Variants in KHDRBS2 observed in about 807,000 individuals in gnomAD.
KHDRBS2 encodes KH domain-containing, RNA-binding, signal transduction-associated protein 2.
In KHDRBS2, 26 loss-of-function variants were observed where a neutral mutation model predicts 44.3. The ratio of observed to expected loss-of-function variants is 0.59; its 90% CI spans 0.43 to 0.81. The LOEUF (loss-of-function observed/expected upper bound fraction) is 0.81. KHDRBS2 is among the 40% of genes least tolerant of loss of function. The pLI, the probability that KHDRBS2 is intolerant of heterozygous loss-of-function variation, is 0.00. For synonymous variants in KHDRBS2, 194 were observed against 151.1 expected (o/e 1.28, Z -2.08); for missense variants, 476 against 433.1 (o/e 1.10, Z -0.88).
chr6:62,254,614 G>A (rs1837072152), intron 1 of KHDRBS2, among the ~76,000 whole-genome samples: 2 of 152,078 alleles, frequency 1.3e-5, no homozygotes, highest in Non-Finnish European at 2.9e-5. Flanking sequence ...CCTAAGACAG[G>A]AGAAAGCCAG....
At position 62,285,842 on chromosome 6, in the gene KHDRBS2, T is replaced by TG. The variant is rs1166092265; in HGVS notation, c.91+15dup. On this transcript the variant is annotated intron_variant, in intron 1 of 8. Transcript: ENST00000281156. ...GCAGCCGGCGGTTTGTGCCCATCTG[T>TG]GGGGGCAAGTCCTACCTTCTGCCAA... The TG allele has an allele frequency of 1.3e-6, 2 of 1,598,924 alleles. No individual in the cohort carries two copies. Among genetic ancestry groups the TG allele is most frequent in the Admixed American group, 1.7e-5 (1 of 59,524 alleles).
intron 4 of KHDRBS2, among the ~76,000 whole-genome samples, chr6:61,940,901 T>C (rs1375331726): frequency 6.6e-6 from 1 of 152,106 alleles, no homozygotes; most frequent in Non-Finnish European, 1.5e-5. Context: ...GAGTCGTGAG[T>C]ATGGGGCATC....
intron 4 of KHDRBS2, among the ~76,000 whole-genome samples, chr6:61,967,829 T>C (rs1287012505): frequency 7.0e-6 from 1 of 142,854 alleles, no homozygotes; most frequent in African/African-American, 2.6e-5. Flanking sequence ...TCTGGCCTTT[T>C]CTCTCTCTCT....
At chr6:62,229,883 A>G (rs1384540906) in intron 1 of KHDRBS2, among the ~76,000 whole-genome samples, 2 of 152,162 alleles carry the variant, frequency 1.3e-5, no homozygotes, top group Non-Finnish European at 2.9e-5. Context: ...CAGGATTTGC[A>G]CACTGTGATG....
intron 1 of KHDRBS2, among the ~76,000 whole-genome samples, chr6:62,261,326 G>T (rs1262638620): frequency 6.6e-6 from 1 of 151,740 alleles, no homozygotes; most frequent in African/African-American, 2.4e-5. Flanking sequence ...TAACAGTTCT[G>T]CACTGGAAGA....
intron 1 of KHDRBS2, among the ~76,000 whole-genome samples, chr6:62,278,487 T>C (rs1407186518): frequency 1.3e-5 from 2 of 152,194 alleles, no homozygotes; most frequent in Admixed American, 6.5e-5. Context: ...GTGTCCATTA[T>C]CTAGATGAAT....
At position 62,169,210 on chromosome 6, in the gene KHDRBS2, T is replaced by TATACATATATGTATATATAC. The variant is rs1454018151; in HGVS notation, c.219+7974_219+7975insGTATATATACATATATGTAT. 1.5e-3 allele frequency among the ~76,000 whole-genome samples: 225 copies of TATACATATATGTATATATAC among 145,672 alleles called. 1 individual carries two copies. Among genetic ancestry groups the TATACATATATGTATATATAC allele is most frequent in the African/African-American group, 5.5e-3 (216 of 39,316 alleles). On this transcript the variant is annotated intron_variant, in intron 2 of 8. Transcript: ENST00000281156. ...ATACGTATACATATATGTATATATA[T>TATACATATATGTATATATAC]GTATATATACACACACACATATATA...
the KHDRBS2 span, among the ~76,000 whole-genome samples, chr6:61,543,001 A>G: frequency 6.6e-6 from 1 of 152,046 alleles, no homozygotes; most frequent in Non-Finnish European, 1.5e-5. Flanking sequence ...CCTCAAGGCT[A>G]TGAAACTCCT....
chr6:61,655,225 T>TACACACACACACAC, the KHDRBS2 span, among the ~76,000 whole-genome samples: 1 of 145,186 alleles, frequency 6.9e-6, no homozygotes, highest in African/African-American at 2.6e-5. Flanking sequence ...CATACATACA[T>TACACACACACACAC]ACACACACAC....
intron 1 of KHDRBS2, among the ~76,000 whole-genome samples, chr6:62,215,292 A>C (rs547694941): frequency 3.9e-5 from 6 of 152,034 alleles, no homozygotes; most frequent in Admixed American, 3.9e-4. Flanking sequence ...ACTTGCATGA[A>C]GAGTGTTGCC....
At chr6:61,551,118 T>C in the KHDRBS2 span, among the ~76,000 whole-genome samples, 901 of 152,222 alleles carry the variant, frequency 5.9e-3, 4 homozygotes, top group Non-Finnish European at 9.3e-3. Context: ...TCTTTAATGG[T>C]TAGTGATAAG....
chr6:61,850,084 C>T (rs1489792832), intron 6 of KHDRBS2, among the ~76,000 whole-genome samples: 1 of 152,120 alleles, frequency 6.6e-6, no homozygotes, highest in Admixed American at 6.6e-5. Context: ...AACTCTAAGC[C>T]TTTACACTTG....
At chr6:62,134,379 C>T (rs957771612) in intron 2 of KHDRBS2, among the ~76,000 whole-genome samples, 17 of 152,124 alleles carry the variant, frequency 1.1e-4, no homozygotes, top group Non-Finnish European at 1.8e-4. Flanking sequence ...GGAACCTCTG[C>T]CTAGATTTCA....
chr6:61,737,867 G>T (rs1388780335), intron 6 of KHDRBS2, among the ~76,000 whole-genome samples: 2 of 151,908 alleles, frequency 1.3e-5, no homozygotes, highest in East Asian at 1.9e-4. Context: ...TGTAGAAAAA[G>T]AAAACCATAG....
At chr6:61,956,366 C>G (rs1767308377) in intron 4 of KHDRBS2, among the ~76,000 whole-genome samples, 1 of 152,158 alleles carries the variant, frequency 6.6e-6, no homozygotes, top group African/African-American at 2.4e-5. Flanking sequence ...AGGGGGTAAA[C>G]TGATAAACAT....
intron 6 of KHDRBS2, among the ~76,000 whole-genome samples, chr6:61,830,364 C>G (rs950262492): frequency 6.6e-6 from 1 of 152,160 alleles, no homozygotes; most frequent in Non-Finnish European, 1.5e-5. Flanking sequence ...GAGGTCTTCT[C>G]TGATACCTAT....
chr6:61,614,580 A>G, the KHDRBS2 span, among the ~76,000 whole-genome samples: 1 of 152,212 alleles, frequency 6.6e-6, no homozygotes, highest in Non-Finnish European at 1.5e-5. Flanking sequence ...TATCTTGACC[A>G]TTAATGACAT....
intron 3 of KHDRBS2, among the ~76,000 whole-genome samples, chr6:62,028,828 A>G (rs931673841): frequency 4.6e-5 from 7 of 152,094 alleles, no homozygotes; most frequent in African/African-American, 1.7e-4. Flanking sequence ...AGAAAGTGAA[A>G]ATTTACTTGT....
the KHDRBS2 span, among the ~76,000 whole-genome samples, chr6:61,631,296 C>T: frequency 2.5e-5 from 2 of 78,542 alleles, no homozygotes. Flanking sequence ...GGGACACAGA[C>T]GAATAAGCCA....
Sources: gnomAD v4.1 joint callset for allele counts (sites outside exome capture counted in the v4.1 genomes callset) on GRCh38, gnomAD v4.1.1 for gene constraint, MANE v1.5 for transcripts, NCBI Gene and HGNC (gene_info 2026-07-23, HGNC 2026-07-21) for gene names.